SNX24: variants seen among roughly 807,000 people sequenced by gnomAD.
The protein encoded by SNX24 is sorting nexin-24.
SNX24 carries 22 observed loss-of-function variants against 28.7 expected under a neutral mutation model. That is an observed-to-expected ratio of 0.77 (90% confidence interval 0.55 to 1.10). SNX24 has a LOEUF of 1.10. Ranked by LOEUF, SNX24 falls within the 50% of genes least tolerant of loss-of-function variation. The pLI, the probability that SNX24 is intolerant of heterozygous loss-of-function variation, is 0.00. For synonymous variants in SNX24, 69 were observed against 71.5 expected, an observed-to-expected ratio of 0.96 and a Z score of 0.18; for missense variants, 221 against 201.1, an observed-to-expected ratio of 1.10 and a Z score of -0.60.
intron 1 of SNX24, among the ~76,000 whole-genome samples, chr5:122,853,257 G>A (rs934761004): frequency 6.6e-6 from 1 of 150,860 alleles, no homozygotes; most frequent in Admixed American, 6.7e-5. Flanking sequence ...CTCCCGAGTA[G>A]CTGGGACTAC....
chr5:122,878,291 T>C (rs1756320685), intron 1 of SNX24, among the ~76,000 whole-genome samples: 1 of 151,980 alleles, frequency 6.6e-6, no homozygotes, highest in Non-Finnish European at 1.5e-5. Flanking sequence ...GGAGACCCAG[T>C]GGCGGTTCTA....
chr5:122,862,079 G>A (rs1755485761), intron 1 of SNX24, among the ~76,000 whole-genome samples: 1 of 152,206 alleles, frequency 6.6e-6, no homozygotes, highest in Non-Finnish European at 1.5e-5. Context: ...TTGCCAGTTT[G>A]AGAAAGGGAG....
chr5:122,963,239 T>C (rs1325419696), intron 3 of SNX24, among the ~76,000 whole-genome samples: 16 of 152,060 alleles, frequency 1.1e-4, no homozygotes, highest in Non-Finnish European at 2.4e-4. Flanking sequence ...GTCTCAAAAA[T>C]TAATTAATTA....
Position 123,007,892 on chromosome 5 carries a change from C to T in SNX24, c.*143C>T. ...TGCACAGTCCCAGCTTAATTCAGGG[C>T]AGGGACATTTCCATTAGAATGGTGC... On this transcript the variant is annotated 3_prime_UTR_variant, in exon 7 of 7. Coordinates refer to ENST00000261369, the MANE Select transcript of SNX24 (RefSeq NM_014035.4). 6.9e-7 allele frequency: 1 copy of T among 1,458,640 alleles called. No homozygotes were observed. The highest frequency in any genetic ancestry group is 9.0e-7 in the Non-Finnish European group (1 of 1,106,062). The allele number at this position is 1,458,640 out of a possible 1,614,324, so 90.4% of individuals were successfully genotyped here. A position where few individuals can be genotyped will look rare whatever the true frequency, so the allele number is the denominator to read the frequency against.
intron 3 of SNX24, among the ~76,000 whole-genome samples, chr5:122,999,670 GTGCTCTATAAA>G (rs1762176425): frequency 6.6e-6 from 1 of 152,096 alleles, no homozygotes; most frequent in Non-Finnish European, 1.5e-5. Context: ...TGTATAGTAG[GTGCTCTATAAA>G]TGCCAGTTGA....
Position 122,897,345 on chromosome 5 carries a change from A to G in SNX24, c.61-39389A>G, listed in dbSNP as rs367852992. ...AAATTTTTTCTTAGGCTATCATAAG[A>G]AAACATGACATCAATTTTTCTCTCC... On this transcript the variant is annotated intron_variant, in intron 1 of 6. Coordinates refer to ENST00000261369, the MANE Select transcript of SNX24 (RefSeq NM_014035.4). 3.9e-4 allele frequency among the ~76,000 whole-genome samples: 59 copies of G among 152,326 alleles called. 2 individuals are homozygous for G. The East Asian group carries it at 7.9e-3, about 20-fold the overall frequency.
chr5:122,963,385 C>G (rs1319601560), intron 3 of SNX24, among the ~76,000 whole-genome samples: 1 of 152,210 alleles, frequency 6.6e-6, no homozygotes, highest in African/African-American at 2.4e-5. Context: ...CTCAAAGCCC[C>G]TTTTAGAAAC....
rs111771205 is a variant in SNX24 at position 122,903,528 on chromosome 5, T to C, written c.61-33206T>C. 8.1e-3 allele frequency among the ~76,000 whole-genome samples: 1,240 copies of C among 152,328 alleles called. 20 individuals carry two copies. Among genetic ancestry groups the C allele is most frequent in the African/African-American group, 0.028 (1,181 of 41,558 alleles). On this transcript the variant is annotated intron_variant, in intron 1 of 6. Transcript: ENST00000261369. ...GCTGGTCTGTGAAGTCTGACTGACCTGCAAATCATGCTTTATGCATCTAAT... is the reference window on the plus strand; with the variant it reads ...GCTGGTCTGTGAAGTCTGACTGACCCGCAAATCATGCTTTATGCATCTAAT...
downstream of SNX24, among the ~76,000 whole-genome samples, chr5:123,010,737 T>A (rs1341446983): frequency 6.6e-6 from 1 of 152,220 alleles, no homozygotes; most frequent in Non-Finnish European, 1.5e-5. Context: ...ACTTAATGTG[T>A]CTACTTTGAG....
intron 1 of SNX24, among the ~76,000 whole-genome samples, chr5:122,871,121 G>T (rs974678100): frequency 6.6e-6 from 1 of 152,168 alleles, no homozygotes; most frequent in Non-Finnish European, 1.5e-5. Context: ...GATGCTTTTG[G>T]AGTTTATTAA....
At chr5:123,024,973 G>A (rs45441494) in intron 5 of SNX24, among the ~76,000 whole-genome samples, 158 of 152,226 alleles carry the variant, frequency 1.0e-3, no homozygotes, top group African/African-American at 3.5e-3. Flanking sequence ...GTGTTCCTAC[G>A]GGTTGTGAAT....
At chr5:122,933,723 G>T (rs1019750814) in intron 1 of SNX24, among the ~76,000 whole-genome samples, 5 of 151,974 alleles carry the variant, frequency 3.3e-5, no homozygotes, top group South Asian at 2.1e-4. Context: ...AGTGTGTGGG[G>T]TTTTTTTGTT....
intron 3 of SNX24, among the ~76,000 whole-genome samples, chr5:122,987,398 G>A (rs551211597): frequency 2.0e-5 from 3 of 152,288 alleles, no homozygotes; most frequent in Admixed American, 1.3e-4. Context: ...CCCTCTAGGC[G>A]ATTCTGATTA....
At chr5:123,017,653 G>A (rs930381118) in intron 5 of SNX24, among the ~76,000 whole-genome samples, 5 of 152,038 alleles carry the variant, frequency 3.3e-5, no homozygotes, top group Non-Finnish European at 7.4e-5. Flanking sequence ...GGAGGGACCC[G>A]GTGGGAGGTG....
intron 3 of SNX24, among the ~76,000 whole-genome samples, chr5:122,991,252 C>T (rs1463325231): frequency 6.6e-6 from 1 of 151,988 alleles, no homozygotes; most frequent in African/African-American, 2.4e-5. Flanking sequence ...CAGAAAATGC[C>T]TCTTAAATCC....
intron 5 of SNX24, among the ~76,000 whole-genome samples, chr5:123,021,059 C>CA (rs1189138864): frequency 6.6e-6 from 1 of 152,108 alleles, no homozygotes; most frequent in African/African-American, 2.4e-5. Context: ...CCAGCCTGCC[C>CA]ATCACTGATG....
intron 3 of SNX24, among the ~76,000 whole-genome samples, chr5:122,956,381 C>T (rs774670841): frequency 0.2 from 27,620 of 140,206 alleles, 3,038 homozygotes; most frequent in East Asian, 0.4. Context: ...CACACACACA[C>T]ACACACACAC....
chr5:122,937,789 T>G (rs1470668990), intron 2 of SNX24, among the ~76,000 whole-genome samples: 1 of 152,142 alleles, frequency 6.6e-6, no homozygotes, highest in South Asian at 2.1e-4. Context: ...GAACACAGAT[T>G]TAGACCAGAT....
intron 5 of SNX24, chr5:123,025,668 G>T: frequency 9.5e-7 from 1 of 1,047,568 alleles, no homozygotes; most frequent in Non-Finnish European, 1.4e-6. Flanking sequence ...CTTTGAAGAG[G>T]CCAGTCAGCT....
Sources: gnomAD v4.1 joint callset for allele counts (sites outside exome capture counted in the v4.1 genomes callset) on GRCh38, gnomAD v4.1.1 for gene constraint, MANE v1.5 for transcripts, NCBI Gene and HGNC (gene_info 2026-07-23, HGNC 2026-07-21) for gene names.